The following STK32C variants were observed in gnomAD, a reference collection of about 807,000 sequenced individuals.
The protein encoded by STK32C is serine/threonine kinase 32C, also known as serine/threonine-protein kinase 32C.
In STK32C, 31 loss-of-function variants were observed where a neutral mutation model predicts 56.5. The ratio of observed to expected loss-of-function variants is 0.55; its 90% CI spans 0.41 to 0.74. The LOEUF is 0.74. Among genes scored for constraint, STK32C ranks in the 30% least tolerant of loss-of-function variants. The pLI is 0.00. For synonymous variants in STK32C, 309 were observed against 289.4 expected (o/e 1.07, Z -0.69); for missense variants, 544 against 676.9 (o/e 0.80, Z 2.18).
intron 1 of STK32C, among the ~76,000 whole-genome samples, chr10:132,325,198 T>C (rs1412904602): frequency 6.6e-6 from 1 of 152,040 alleles, no homozygotes; most frequent in African/African-American, 2.4e-5. Context: ...TGGGGACAAG[T>C]CTTTCCCATG....
At chr10:132,300,982 G>A (rs1187399188) in intron 1 of STK32C, among the ~76,000 whole-genome samples, 2 of 152,154 alleles carry the variant, frequency 1.3e-5, no homozygotes, top group African/African-American at 2.4e-5. Context: ...AGGTGAGGAG[G>A]AAAATCTGGC....
At chr10:132,295,912 A>G (rs183026615) in intron 1 of STK32C, among the ~76,000 whole-genome samples, 15 of 151,768 alleles carry the variant, frequency 9.9e-5, no homozygotes, top group Non-Finnish European at 1.8e-4. Context: ...AATGACGTAT[A>G]TAGATAAGCC....
intron 2 of STK32C, among the ~76,000 whole-genome samples, chr10:132,237,597 C>G (rs1020526584): frequency 5.3e-5 from 8 of 152,240 alleles, no homozygotes; most frequent in Admixed American, 2.6e-4. Flanking sequence ...GCAGTGGTGG[C>G]GGAGGTGAAC....
At chr10:132,235,885 AAG>A (rs1845601800) in intron 2 of STK32C, among the ~76,000 whole-genome samples, 1 of 146,266 alleles carries the variant, frequency 6.8e-6, no homozygotes, top group Admixed American at 7.1e-5. Context: ...GGTGGCTACG[AAG>A]AGAGTCCTCA....
chr10:132,300,700 G>A (rs781642502), intron 1 of STK32C, among the ~76,000 whole-genome samples: 18 of 152,118 alleles, frequency 1.2e-4, no homozygotes, highest in Non-Finnish European at 1.8e-4. Flanking sequence ...CTCTGCCCAC[G>A]CCCAGGGCAG....
In STK32C at chr10:132,283,550, G is replaced by A. The variant is rs3935287; in HGVS notation, c.262+24022C>T. 1.7e-3 allele frequency among the ~76,000 whole-genome samples: 255 copies of A among 152,234 alleles called. 6 individuals are homozygous for A. The East Asian group carries it at 0.039, about 23-fold the overall frequency. ...TAGAAAGGCAGATTCCCTCCAGGCC[G>A]CCCATCTTCCTCGGCACAGAAGGCC... On this transcript the variant is annotated intron_variant, in intron 1 of 11. Transcript: ENST00000298630.
intron 1 of STK32C, among the ~76,000 whole-genome samples, chr10:132,328,538 T>C (rs11146333): frequency 0.039 from 5,900 of 152,246 alleles, 207 homozygotes; most frequent in African/African-American, 0.088. Context: ...CAAAGGCAGA[T>C]TGGTCCCTGG....
intron 1 of STK32C, among the ~76,000 whole-genome samples, chr10:132,250,339 A>G (rs2063854570): frequency 7.4e-6 from 1 of 134,300 alleles, no homozygotes; most frequent in African/African-American, 2.9e-5. Context: ...TGTGAGGCGC[A>G]CGGGACAGGT....
chr10:132,331,057 T>A (rs1420807428), intron 1 of STK32C, among the ~76,000 whole-genome samples: 1 of 150,974 alleles, frequency 6.6e-6, no homozygotes, highest in African/African-American at 2.4e-5. Flanking sequence ...AAAAATTAGC[T>A]GGACGTGGTG....
chr10:132,248,973 T>C (rs1249046766), intron 1 of STK32C: 1 of 457,100 alleles, frequency 2.2e-6, no homozygotes, highest in Non-Finnish European at 4.4e-6. Context: ...ATCTATTAAA[T>C]AACAAGTCAG....
intron 1 of STK32C, among the ~76,000 whole-genome samples, chr10:132,279,241 C>T (rs1042606401): frequency 6.6e-6 from 1 of 152,152 alleles, no homozygotes; most frequent in African/African-American, 2.4e-5. Flanking sequence ...ACAAAAAGCC[C>T]TGGGCTACCC....
intron 2 of STK32C, among the ~76,000 whole-genome samples, chr10:132,232,011 G>A (rs1300502419): frequency 2.6e-5 from 4 of 152,340 alleles, no homozygotes; most frequent in South Asian, 2.1e-4. Context: ...CGGGAAACTC[G>A]CTTTCTCCAC....
At chr10:132,251,686 T>C (rs1424461723) in intron 1 of STK32C, among the ~76,000 whole-genome samples, 1 of 151,544 alleles carries the variant, frequency 6.6e-6, no homozygotes, top group Non-Finnish European at 1.5e-5. Flanking sequence ...GTCAACACCC[T>C]ATGCCTCCTG....
intron 1 of STK32C, among the ~76,000 whole-genome samples, chr10:132,296,941 G>A (rs1198364929): frequency 6.6e-6 from 1 of 152,208 alleles, no homozygotes. Flanking sequence ...CACGGCAGGG[G>A]GTGCAGGGAA....
intron 1 of STK32C, among the ~76,000 whole-genome samples, chr10:132,328,969 G>A (rs190210977): frequency 2.7e-4 from 41 of 152,316 alleles, no homozygotes; most frequent in African/African-American, 9.4e-4. Context: ...CAGGGAAACA[G>A]AACATAAGCC....
chr10:132,315,234 A>T (rs975185854), intron 1 of STK32C, among the ~76,000 whole-genome samples: 1 of 152,046 alleles, frequency 6.6e-6, no homozygotes, highest in African/African-American at 2.4e-5. Context: ...ACCAAACACC[A>T]CATGTTCTCA....
chr10:132,209,386 G>A (rs1310218818), intron 10 of STK32C: 2 of 660,910 alleles, frequency 3.0e-6, no homozygotes, highest in Admixed American at 4.1e-5. Context: ...GGCAGAAGCT[G>A]TTCTCTGCGG....
intron 1 of STK32C, chr10:132,330,161 CT>C (rs953457157): frequency 5.1e-6 from 2 of 392,102 alleles, no homozygotes; most frequent in Non-Finnish European, 9.6e-6. Context: ...TGGGCAAAAA[CT>C]GAGCACAGTA....
downstream of STK32C, among the ~76,000 whole-genome samples, chr10:132,321,931 T>G (rs1487906621): frequency 6.6e-6 from 1 of 152,176 alleles, no homozygotes; most frequent in Non-Finnish European, 1.5e-5. Flanking sequence ...GCTTCTCTAC[T>G]GGAGTCCAAA....
Sources: gnomAD v4.1 joint callset for allele counts (sites outside exome capture counted in the v4.1 genomes callset) on GRCh38, gnomAD v4.1.1 for gene constraint, MANE v1.5 for transcripts, NCBI Gene and HGNC (gene_info 2026-07-23, HGNC 2026-07-21) for gene names.